Variants in ARHGAP12 observed in about 807,000 individuals in gnomAD.
ARHGAP12 encodes the protein rho GTPase-activating protein 12.
In ARHGAP12, 64 loss-of-function variants were observed where a neutral mutation model predicts 108.6. The observed-to-expected ratio is 0.59, with a 90% CI of 0.48 to 0.73. The LOEUF is 0.73. Ranked by LOEUF, ARHGAP12 falls within the 30% of genes least tolerant of loss-of-function variation. ARHGAP12 has a pLI of 0.00. For synonymous variants in ARHGAP12, 312 were observed against 337.2 expected (o/e 0.93, Z 0.82); for missense variants, 940 against 1,005.9 (o/e 0.93, Z 0.89).
intron 11 of ARHGAP12, among the ~76,000 whole-genome samples, chr10:31,823,079 C>T (rs1020877307): frequency 1.3e-5 from 2 of 152,092 alleles, no homozygotes; most frequent in Non-Finnish European, 2.9e-5. Context: ...AAAAGAAGCA[C>T]AACATATGTC....
intron 3 of ARHGAP12, among the ~76,000 whole-genome samples, chr10:31,906,440 T>G (rs112023044): frequency 3.7e-4 from 57 of 152,142 alleles, no homozygotes; most frequent in African/African-American, 1.1e-3. Context: ...ATCACACAGA[T>G]GGCAAGTGAT....
intron 16 of ARHGAP12, 174 bp from the exon 17 acceptor site, chr10:31,809,481 G>A (rs149135755): frequency 1.2e-3 from 739 of 596,802 alleles, no homozygotes; most frequent in Admixed American, 1.4e-3. Context: ...GGAGAGAGAT[G>A]GAGATTCGCT....
intron 9 of ARHGAP12, among the ~76,000 whole-genome samples, chr10:31,839,075 A>G (rs1836148507): frequency 6.6e-6 from 1 of 152,160 alleles, no homozygotes; most frequent in South Asian, 2.1e-4. Flanking sequence ...TAGCATGATC[A>G]GCAACAGAAA....
intron 15 of ARHGAP12, among the ~76,000 whole-genome samples, chr10:31,812,213 TAA>T (rs1049944352): frequency 3.9e-5 from 6 of 151,950 alleles, no homozygotes; most frequent in Admixed American, 2.6e-4. Flanking sequence ...TATTTTCCTA[TAA>T]AAAAAAGATT....
At chr10:31,811,389 A>G (rs577336990) in intron 15 of ARHGAP12, among the ~76,000 whole-genome samples, 5 of 152,312 alleles carry the variant, frequency 3.3e-5, no homozygotes, top group African/African-American at 1.2e-4. Context: ...TTTCAACCCA[A>G]CAGTTTTGAA....
intron 4 of ARHGAP12, among the ~76,000 whole-genome samples, chr10:31,855,022 GGGA>G: frequency 8.1e-6 from 1 of 123,208 alleles, no homozygotes; most frequent in Non-Finnish European, 1.7e-5. Context: ...GAGGAGGATG[GGGA>G]GGAGGAGGGG....
At chr10:31,927,885 T>A (rs563208757) in intron 1 of ARHGAP12, among the ~76,000 whole-genome samples, 2 of 152,242 alleles carry the variant, frequency 1.3e-5, no homozygotes, top group South Asian at 4.1e-4. Context: ...CCAGCTCCCC[T>A]GAGATGGGAG....
At chr10:31,911,131 C>A (rs1839327229) in intron 1 of ARHGAP12, among the ~76,000 whole-genome samples, 1 of 152,152 alleles carries the variant, frequency 6.6e-6, no homozygotes, top group Admixed American at 6.5e-5. Flanking sequence ...TGAAGCAATT[C>A]TCCTGCCTCA....
rs1834825734 is a variant in ARHGAP12, at chr10:31,806,411, T to C, written c.*1247A>G. 6.5e-6 allele frequency: 1 copy of C among 152,706 alleles called. No homozygotes were observed. Among genetic ancestry groups the C allele is most frequent in the Non-Finnish European group, 1.5e-5 (1 of 68,000 alleles). The allele number at this position is 152,706 out of a possible 1,614,324, so 9.5% of individuals were successfully genotyped here. Reference sequence around the variant, plus strand: ...AGACCATGCTCCCTGTAACAAAACCTTCCAAACCCTGTGTTTTATTATACA... The same window carrying C: ...AGACCATGCTCCCTGTAACAAAACCCTCCAAACCCTGTGTTTTATTATACA... On this transcript the variant is annotated 3_prime_UTR_variant, in exon 20 of 20. Coordinates refer to ENST00000344936, the MANE Select transcript of ARHGAP12 (RefSeq NM_018287.7).
chr10:31,823,364 C>CT (rs1835485364), intron 11 of ARHGAP12, among the ~76,000 whole-genome samples: 1 of 151,916 alleles, frequency 6.6e-6, no homozygotes, highest in South Asian at 2.1e-4. Flanking sequence ...GAAGAAAAGG[C>CT]TCACTAGATT....
chr10:31,920,853 A>G (rs1437992078), intron 1 of ARHGAP12, among the ~76,000 whole-genome samples: 2 of 152,188 alleles, frequency 1.3e-5, no homozygotes, highest in Non-Finnish European at 2.9e-5. Context: ...ACTGAAAAGA[A>G]CTGAAATTAT....
intron 1 of ARHGAP12, among the ~76,000 whole-genome samples, chr10:31,924,048 C>T (rs765948189): frequency 6.6e-6 from 1 of 152,148 alleles, no homozygotes; most frequent in Non-Finnish European, 1.5e-5. Flanking sequence ...TTCAAAAACA[C>T]AGAATGTTTT....
chr10:31,825,640 C>T (rs1387322391), intron 11 of ARHGAP12, among the ~76,000 whole-genome samples: 7 of 151,990 alleles, frequency 4.6e-5, no homozygotes, highest in African/African-American at 7.2e-5. Context: ...GCTATCCCAG[C>T]GTTAAGGAGA....
At chr10:31,840,208 T>C (rs1836206932) in intron 7 of ARHGAP12, among the ~76,000 whole-genome samples, 1 of 152,010 alleles carries the variant, frequency 6.6e-6, no homozygotes, top group Non-Finnish European at 1.5e-5. Context: ...GTATTTAAGG[T>C]AATTTATAGA....
intron 3 of ARHGAP12, among the ~76,000 whole-genome samples, chr10:31,892,832 T>C (rs1216024048): frequency 6.6e-6 from 1 of 152,142 alleles, no homozygotes; most frequent in African/African-American, 2.4e-5. Context: ...TATTCCAAAA[T>C]TGACCACATA....
At chr10:31,920,084 T>C (rs1335574543) in intron 1 of ARHGAP12, among the ~76,000 whole-genome samples, 3 of 140,670 alleles carry the variant, frequency 2.1e-5, no homozygotes, top group African/African-American at 8.0e-5. Context: ...CCAGCCTGGG[T>C]GACAGAGCAA....
chr10:31,883,147 T>C (rs1838048065), intron 3 of ARHGAP12, among the ~76,000 whole-genome samples: 1 of 151,728 alleles, frequency 6.6e-6, no homozygotes, highest in South Asian at 2.1e-4. Context: ...AATACAAAAC[T>C]AGCCAGGCGT....
At chr10:31,828,389 CATT>C (rs914283952) in intron 10 of ARHGAP12, among the ~76,000 whole-genome samples, 8 of 152,068 alleles carry the variant, frequency 5.3e-5, no homozygotes, top group African/African-American at 1.9e-4. Context: ...TTTCTGTCAT[CATT>C]ATTTCATTTT....
intron 4 of ARHGAP12, among the ~76,000 whole-genome samples, chr10:31,859,671 C>G (rs2808085): frequency 6.6e-6 from 1 of 152,048 alleles, no homozygotes; most frequent in African/African-American, 2.4e-5. Flanking sequence ...ATGTATACTT[C>G]AAATTCTTTT....
Sources: allele counts gnomAD v4.1 joint callset (sites outside exome capture counted in the v4.1 genomes callset), GRCh38; gene constraint gnomAD v4.1.1; transcripts MANE v1.5; gene names NCBI Gene and HGNC (gene_info 2026-07-23, HGNC 2026-07-21).